Variants in CCDC15 observed in about 807,000 individuals in gnomAD.
CCDC15 encodes the protein coiled-coil domain containing 15, also known as coiled-coil domain-containing protein 15.
Under a neutral mutation model 114.5 loss-of-function variants are expected in CCDC15, and 105 were observed. The observed-to-expected ratio is 0.92, with a 90% CI of 0.78 to 1.08. The LOEUF is 1.08. CCDC15 is among the 50% of genes least tolerant of loss of function. The pLI is 0.00. For synonymous variants in CCDC15, 334 were observed against 377.8 expected, an observed-to-expected ratio of 0.88 and a Z score of 1.34; for missense variants, 1,105 against 1,093.6, an observed-to-expected ratio of 1.01 and a Z score of -0.15.
Position 125,039,045 on chromosome 11 carries a change from T to A in CCDC15, c.2710T>A (p.Cys904Ser). The stretch of plus-strand genomic sequence containing the variant: ...TCATCCTGATACCTGTGCCAACAAC[T>A]GTATTTTCTATAAAAACCACAGAGG... ...DAHPDTCANN[C>S]IFYKNHRAYT... The change falls in exon 15 of 16, where the codon TGT becomes AGT. Residue 904 changes from cysteine to serine, a missense_variant. Transcript: ENST00000344762. 1.2e-6 allele frequency: 2 copies of A among 1,601,292 alleles called. No homozygotes were observed. Among genetic ancestry groups the A allele is most frequent in the Middle Eastern group, 1.7e-4 (1 of 6,014 alleles).
chr11:124,976,392 G>A lies in CCDC15; in HGVS notation c.631-1086G>A, dbSNP rs546872869. On this transcript the variant is annotated intron_variant, in intron 5 of 15. Coordinates refer to ENST00000344762, the MANE Select transcript of CCDC15 (RefSeq NM_025004.3). ...ATAGTTAAATTTAAAAAACAAGTGG[G>A]CGTGGATATGTGTCCATGTATGGCA... 1.6e-4 allele frequency among the ~76,000 whole-genome samples: 24 copies of A among 152,032 alleles called. No homozygotes were observed. The South Asian group carries it at 5.0e-3, about 32-fold the overall frequency.
At chr11:125,020,097 A>C (rs1948652327) in intron 13 of CCDC15, among the ~76,000 whole-genome samples, 1 of 151,934 alleles carries the variant, frequency 6.6e-6, no homozygotes, top group South Asian at 2.1e-4. Flanking sequence ...GAATTGGGAG[A>C]CAAGAGAAAG....
intron 11 of CCDC15, among the ~76,000 whole-genome samples, chr11:125,001,948 A>G (rs1948488545): frequency 6.6e-6 from 1 of 152,130 alleles, no homozygotes; most frequent in Non-Finnish European, 1.5e-5. Flanking sequence ...ACGTATGATA[A>G]CTGTGCTTAA....
chr11:124,987,384 A>G lies in CCDC15; in HGVS notation c.1158A>G (p.Thr386=), dbSNP rs370568371. The change falls in exon 8 of 16, where the codon ACA becomes ACG. Residue 386 remains threonine, a synonymous_variant. Transcript: ENST00000344762. ...AIEPEGQPIK[T]ETQGIMLKAQ... ...AGCCAGAAGGCCAGCCTATTAAGAC[A>G]GAAACTCAGGGTATTATGCTGAAAG... 4 of 1,613,912 alleles carry G rather than the reference A, an allele frequency of 2.5e-6. No individual in the cohort carries two copies. The highest frequency in any genetic ancestry group is 2.5e-6 in the Non-Finnish European group (3 of 1,179,906).
intron 13 of CCDC15, among the ~76,000 whole-genome samples, chr11:125,017,490 A>T (rs1948635963): frequency 6.6e-6 from 1 of 152,172 alleles, no homozygotes; most frequent in African/African-American, 2.4e-5. Flanking sequence ...GTTTGTGGTG[A>T]TGCTTGTGTA....
rs1948814613 is a variant in CCDC15, at chr11:125,041,141, A to G, written c.*430A>G. The G allele has an allele frequency of 6.5e-6, 1 of 153,418 alleles. No homozygotes were observed. The highest frequency in any genetic ancestry group is 2.4e-5 in the African/African-American group (1 of 41,504). The allele number at this position is 153,418 out of a possible 1,614,324, so 9.5% of individuals were successfully genotyped here. A position where few individuals can be genotyped will look rare whatever the true frequency, so the allele number is the denominator to read the frequency against. On this transcript the variant is annotated 3_prime_UTR_variant, in exon 16 of 16. Coordinates refer to ENST00000344762, the MANE Select transcript of CCDC15 (RefSeq NM_025004.3). ...AGCATCAGAGACCATCTATATTGCCATTACCTTTTCTAGTTGTATATAAGA... is the reference window on the plus strand; with the variant it reads ...AGCATCAGAGACCATCTATATTGCCGTTACCTTTTCTAGTTGTATATAAGA...
intron 13 of CCDC15, among the ~76,000 whole-genome samples, chr11:125,022,728 T>C (rs1948669631): frequency 6.6e-6 from 1 of 151,972 alleles, no homozygotes; most frequent in Admixed American, 6.6e-5. Context: ...ACATGCTTTA[T>C]TGAAGAAGTA....
chr11:124,996,085 C>T (rs1388944522), intron 11 of CCDC15, among the ~76,000 whole-genome samples: 1 of 152,122 alleles, frequency 6.6e-6, no homozygotes, highest in Non-Finnish European at 1.5e-5. Flanking sequence ...CCACCTGAGC[C>T]TCCCAAAGGT....
At chr11:124,967,363 C>A (rs1947802663) in intron 4 of CCDC15, among the ~76,000 whole-genome samples, 1 of 152,140 alleles carries the variant, frequency 6.6e-6, no homozygotes, top group South Asian at 2.1e-4. Context: ...CTAAACTTCT[C>A]ACTTCATTTC....
chr11:124,992,545 T>C, intron 9 of CCDC15, 35 bp from the exon 10 acceptor site: 3 of 1,296,194 alleles, frequency 2.3e-6, no homozygotes, highest in Non-Finnish European at 3.3e-6. Flanking sequence ...ATTTTTTTTC[T>C]GTTGTTGTTT....
intron 13 of CCDC15, among the ~76,000 whole-genome samples, chr11:125,024,021 TG>T (rs1948678946): frequency 6.6e-6 from 1 of 151,984 alleles, no homozygotes. Context: ...ATAATAAAAA[TG>T]TTCTCAAATC....
chr11:125,039,116 A>G, intron 15 of CCDC15, 47 bp downstream of exon 15: 3 of 1,509,480 alleles, frequency 2.0e-6, no homozygotes, highest in Non-Finnish European at 2.7e-6. Context: ...AACAAGAAAA[A>G]TAAATAAGAG....
chr11:124,988,388 T>C (rs1948212639), intron 8 of CCDC15, among the ~76,000 whole-genome samples: 3 of 152,236 alleles, frequency 2.0e-5, no homozygotes, highest in Non-Finnish European at 1.5e-5. Flanking sequence ...GTACATACCT[T>C]AATTTAAAAA....
At chr11:124,978,088 A>G (rs1948006254) in intron 6 of CCDC15, among the ~76,000 whole-genome samples, 1 of 152,086 alleles carries the variant, frequency 6.6e-6, no homozygotes, top group Non-Finnish European at 1.5e-5. Context: ...TCCCGCTTGT[A>G]AGTTAGAACA....
chr11:124,966,517 ATTTTG>A (rs896891920), intron 4 of CCDC15, among the ~76,000 whole-genome samples: 6 of 146,930 alleles, frequency 4.1e-5, no homozygotes, highest in Non-Finnish European at 9.0e-5. Context: ...CCATCCCTTT[ATTTTG>A]AGGCTATATG....
rs191234929 is a variant in CCDC15 at position 124,968,374 on chromosome 11, C to T, written c.517-6722C>T. On this transcript the variant is annotated intron_variant, in intron 4 of 15. Coordinates refer to ENST00000344762, the MANE Select transcript of CCDC15 (RefSeq NM_025004.3). ...AGCCTCAGGAATGGCGGACGCCCCT[C>T]CTCCAGCCAGGCTGCTGCCTCGCAG... 1.9e-3 allele frequency among the ~76,000 whole-genome samples: 289 copies of T among 152,332 alleles called. 6 individuals are homozygous for T. Among genetic ancestry groups the T allele is most frequent in the Non-Finnish European group, 1.7e-3 (117 of 68,024 alleles).
chr11:124,970,911 G>A (rs1157578411), intron 4 of CCDC15, among the ~76,000 whole-genome samples: 1 of 152,164 alleles, frequency 6.6e-6, no homozygotes, highest in Non-Finnish European at 1.5e-5. Flanking sequence ...TTGTTACAAA[G>A]AAGTGCTTTT....
chr11:125,017,591 A>C (rs536623312), intron 13 of CCDC15, among the ~76,000 whole-genome samples: 19 of 152,278 alleles, frequency 1.2e-4, no homozygotes, highest in African/African-American at 4.6e-4. Flanking sequence ...CACCTATGTT[A>C]CTGGTTTATA....
chr11:125,005,066 C>T, intron 12 of CCDC15, 43 bp from the exon 13 acceptor site: 1 of 871,454 alleles, frequency 1.1e-6, no homozygotes, highest in Non-Finnish European at 1.7e-6. Context: ...TTGGAAATTC[C>T]TCTGAAAGCA....
Sources: allele counts gnomAD v4.1 joint callset (sites outside exome capture counted in the v4.1 genomes callset), GRCh38; gene constraint gnomAD v4.1.1; transcripts MANE v1.5; gene names NCBI Gene and HGNC (gene_info 2026-07-23, HGNC 2026-07-21).